Variants in FRMD4B observed in about 807,000 individuals in gnomAD.
The protein encoded by FRMD4B is FERM domain containing 4B, also known as FERM domain-containing protein 4B.
FRMD4B carries 74 observed loss-of-function variants against 141.5 expected under a neutral mutation model. The observed-to-expected ratio is 0.52, with a 90% CI of 0.43 to 0.63. The LOEUF (loss-of-function observed/expected upper bound fraction) is 0.63, where lower values mean the gene tolerates loss of function less well. FRMD4B is among the 30% of genes least tolerant of loss of function. The pLI, the probability that FRMD4B is intolerant of heterozygous loss-of-function variation, is 0.00. For missense variants in FRMD4B, 1,366 were observed against 1,253.4 expected, an observed-to-expected ratio of 1.09 and a Z score of -1.36; for synonymous variants, 506 against 467.9, an observed-to-expected ratio of 1.08 and a Z score of -1.05.
chr3:69,458,329 A>G (rs978796434), intron 1 of FRMD4B, among the ~76,000 whole-genome samples: 2 of 152,220 alleles, frequency 1.3e-5, no homozygotes, highest in African/African-American at 4.8e-5. Context: ...CTATGCTCAC[A>G]GAGCATGAGG....
intron 1 of FRMD4B, among the ~76,000 whole-genome samples, chr3:69,519,495 C>T (rs1700818251): frequency 6.6e-6 from 1 of 152,148 alleles, no homozygotes; most frequent in Admixed American, 6.6e-5. Context: ...TACTTCTTCC[C>T]ATGGGCAATA....
chr3:69,386,319 C>A (rs1704253924), upstream of FRMD4B: 1 of 232,464 alleles, frequency 4.3e-6, no homozygotes, highest in African/African-American at 2.3e-5. Flanking sequence ...GGCGAGGACT[C>A]CCCCTGGCGC....
chr3:69,457,027 TACAC>T (rs1248330916), intron 1 of FRMD4B, among the ~76,000 whole-genome samples: 1 of 152,066 alleles, frequency 6.6e-6, no homozygotes, highest in Admixed American at 6.5e-5. Flanking sequence ...CTAATTCACA[TACAC>T]ACACACAAAC....
chr3:69,521,374 C>T (rs370438238), intron 1 of FRMD4B, among the ~76,000 whole-genome samples: 11 of 152,174 alleles, frequency 7.2e-5, no homozygotes, highest in African/African-American at 2.7e-4. Context: ...GTCTGTATCT[C>T]TCTTTCTTAA....
At chr3:69,481,166 G>C (rs974780663) in intron 1 of FRMD4B, among the ~76,000 whole-genome samples, 1 of 152,186 alleles carries the variant, frequency 6.6e-6, no homozygotes, top group Admixed American at 6.5e-5. Context: ...CACTTCCCGA[G>C]TGAGGTAATG....
At chr3:69,421,270 C>T (rs987917038) in intron 2 of FRMD4B, among the ~76,000 whole-genome samples, 2 of 152,210 alleles carry the variant, frequency 1.3e-5, no homozygotes, top group Admixed American at 6.5e-5. Context: ...TATTAATTAC[C>T]GGATGACTTT....
At chr3:69,277,404 G>T (rs527988737) in intron 5 of FRMD4B, among the ~76,000 whole-genome samples, 22 of 151,954 alleles carry the variant, frequency 1.4e-4, no homozygotes, top group Admixed American at 1.3e-3. Flanking sequence ...TTTTATCGTG[G>T]GGCCAGATCT....
chr3:69,298,317 T>C (rs1701099830), intron 4 of FRMD4B, among the ~76,000 whole-genome samples: 1 of 152,220 alleles, frequency 6.6e-6, no homozygotes, highest in Non-Finnish European at 1.5e-5. Context: ...CATAACCAAC[T>C]TGCACCATCT....
intron 7 of FRMD4B, among the ~76,000 whole-genome samples, chr3:69,247,615 T>C (rs2093433703): frequency 6.6e-6 from 1 of 152,122 alleles, no homozygotes. Context: ...GCCTCCTGAG[T>C]AGCTGGGATT....
rs149250915 is a variant in FRMD4B at position 69,432,402 on chromosome 3, G to T, written c.-1+232C>A. ...ATGTAAGCATATCATTCAACTTTGG[G>T]GTGTTTGACTTTCATTTGAAAGTAG... On this transcript the variant is annotated intron_variant, in intron 2 of 5. Transcript: ENST00000459638. Among the ~76,000 whole-genome samples, 300 of 152,004 alleles carry T rather than the reference G, an allele frequency of 2.0e-3. 2 individuals carry two copies. Among genetic ancestry groups the T allele is most frequent in the Middle Eastern group, 0.01 (3 of 294 alleles).
chr3:69,391,763 G>A (rs561432746), intron 2 of FRMD4B, among the ~76,000 whole-genome samples: 6 of 152,308 alleles, frequency 3.9e-5, no homozygotes, highest in East Asian at 1.9e-4. Context: ...GTGATGTGAC[G>A]TGGAAGCAAG....
chr3:69,338,473 T>A (rs1702629178), intron 1 of FRMD4B, among the ~76,000 whole-genome samples: 1 of 151,818 alleles, frequency 6.6e-6, no homozygotes, highest in Non-Finnish European at 1.5e-5. Flanking sequence ...AGAAAATGTG[T>A]CACATATACA....
intron 3 of FRMD4B, among the ~76,000 whole-genome samples, chr3:69,309,698 C>T (rs578103481): frequency 1.2e-3 from 177 of 149,904 alleles, no homozygotes; most frequent in African/African-American, 4.1e-3. Flanking sequence ...CTGCCCATCT[C>T]GGCCCTCCAA....
intron 11 of FRMD4B, among the ~76,000 whole-genome samples, chr3:69,200,145 A>G (rs931410620): frequency 7.2e-5 from 11 of 152,344 alleles, no homozygotes; most frequent in Admixed American, 2.0e-4. Flanking sequence ...GGCTTTTCAC[A>G]GACATGTAAA....
intron 1 of FRMD4B, among the ~76,000 whole-genome samples, chr3:69,496,337 G>A (rs151031842): frequency 0.01 from 1,536 of 152,192 alleles, 29 homozygotes; most frequent in African/African-American, 0.035. Context: ...TTGGGTTCAG[G>A]AGGACCCACT....
intron 1 of FRMD4B, among the ~76,000 whole-genome samples, chr3:69,375,960 A>G (rs759085370): frequency 4.6e-5 from 7 of 152,220 alleles, no homozygotes; most frequent in Non-Finnish European, 8.8e-5. Flanking sequence ...ATGTCTATCA[A>G]CAAGAGATTG....
At chr3:69,271,140 T>C (rs1482507358) in intron 5 of FRMD4B, among the ~76,000 whole-genome samples, 1 of 152,218 alleles carries the variant, frequency 6.6e-6, no homozygotes, top group African/African-American at 2.4e-5. Flanking sequence ...AAAATATCAG[T>C]AGTAGGCTTA....
chr3:69,353,611 G>A lies in FRMD4B; in HGVS notation c.162+32217C>T, dbSNP rs560296332. On this transcript the variant is annotated intron_variant, in intron 1 of 22. Transcript: ENST00000398540. ...AGAGTGCTTAAGACAAAAGACACACGTATTAAGCACTTGTGCGGTGTGTGT... is the reference window on the plus strand; with the variant it reads ...AGAGTGCTTAAGACAAAAGACACACATATTAAGCACTTGTGCGGTGTGTGT... 1.4e-4 allele frequency: 135 copies of A among 985,206 alleles called. 1 individual carries two copies. The highest frequency in any genetic ancestry group is 1.5e-4 in the Non-Finnish European group (128 of 829,784). 61.0% of individuals were successfully genotyped at this position (985,206 alleles called of 1,614,324 possible).
chr3:69,377,833 CAG>C (rs768530817), intron 1 of FRMD4B, among the ~76,000 whole-genome samples: 19 of 150,094 alleles, frequency 1.3e-4, no homozygotes, highest in East Asian at 1.2e-3. Flanking sequence ...TTTTTTGAAA[CAG>C]AGTCTCACTC....
Sources: allele counts gnomAD v4.1 joint callset (sites outside exome capture counted in the v4.1 genomes callset), GRCh38; gene constraint gnomAD v4.1.1; transcripts MANE v1.5; gene names NCBI Gene and HGNC (gene_info 2026-07-23, HGNC 2026-07-21).